Variants in SHB observed in about 807,000 individuals in gnomAD.
The protein encoded by SHB is SH2 domain-containing adapter protein B.
Under a neutral mutation model 52.3 loss-of-function variants are expected in SHB, and 20 were observed. That is an observed-to-expected ratio of 0.38 (90% CI 0.27 to 0.56). The LOEUF (loss-of-function observed/expected upper bound fraction) is 0.56, where lower values mean the gene tolerates loss of function less well. Among genes scored for constraint, SHB ranks in the 20% least tolerant of loss-of-function variants. The pLI is 0.71. For synonymous variants in SHB, 397 were observed against 316.5 expected (o/e 1.25, Z -2.70); for missense variants, 825 against 723.3 (o/e 1.14, Z -1.61).
chr9:38,024,650 C>T (rs1821319766), intron 1 of SHB, among the ~76,000 whole-genome samples: 1 of 152,184 alleles, frequency 6.6e-6, no homozygotes, highest in Non-Finnish European at 1.5e-5. Context: ...CCTCTGTTTA[C>T]CCCAGAACCT....
intron 1 of SHB, 46 bp from the exon 2 acceptor site, chr9:38,016,177 T>C: frequency 6.2e-7 from 1 of 1,608,154 alleles, no homozygotes; most frequent in Non-Finnish European, 8.5e-7. Context: ...TTGGCTTTTT[T>C]GTTTCACATC....
At chr9:37,984,500 A>C (rs1174641092) in intron 2 of SHB, among the ~76,000 whole-genome samples, 3 of 152,204 alleles carry the variant, frequency 2.0e-5, no homozygotes, top group African/African-American at 7.2e-5. Flanking sequence ...GGAAGGGAAG[A>C]AAGTCACAGG....
chr9:37,998,883 T>C (rs1409264197), intron 2 of SHB, among the ~76,000 whole-genome samples: 7 of 152,218 alleles, frequency 4.6e-5, no homozygotes, highest in Non-Finnish European at 8.8e-5. Context: ...CCATTTTTCA[T>C]CCAGTTTCAA....
At chr9:38,040,678 TG>T (rs561060642) in intron 1 of SHB, among the ~76,000 whole-genome samples, 38 of 151,176 alleles carry the variant, frequency 2.5e-4, no homozygotes, top group African/African-American at 9.0e-4. Context: ...CACACTACGG[TG>T]GGGGGGCTGC....
chr9:37,938,380 G>A (rs1221717423), intron 5 of SHB, among the ~76,000 whole-genome samples: 3 of 152,190 alleles, frequency 2.0e-5, no homozygotes, highest in East Asian at 1.9e-4. Flanking sequence ...GGCCTTCCCT[G>A]CAGCACCCTC....
At chr9:37,950,447 G>A (rs1187301981) in intron 4 of SHB, among the ~76,000 whole-genome samples, 1 of 152,172 alleles carries the variant, frequency 6.6e-6, no homozygotes, top group Admixed American at 6.5e-5. Context: ...TTTCATGACT[G>A]GAAGAGCTGA....
intron 2 of SHB, 122 bp from the exon 3 acceptor site, chr9:37,974,959 A>C: frequency 1.2e-6 from 1 of 835,456 alleles, no homozygotes; most frequent in Non-Finnish European, 2.0e-6. Flanking sequence ...ACAGAGAGAC[A>C]GACCCCTGTC....
At chr9:37,947,396 C>T (rs1832504864) in intron 5 of SHB, among the ~76,000 whole-genome samples, 1 of 152,212 alleles carries the variant, frequency 6.6e-6, no homozygotes, top group South Asian at 2.1e-4. Flanking sequence ...TCTTGCAGAG[C>T]TGGAATCTGT....
intron 2 of SHB, 113 bp from the exon 3 acceptor site, chr9:37,974,950 CAGAG>C (rs1355067079): frequency 2.3e-6 from 2 of 867,924 alleles, no homozygotes; most frequent in African/African-American, 3.4e-5. Flanking sequence ...GTGAGAACGA[CAGAG>C]AGACAGACCC....
At chr9:38,035,447 G>A (rs555440974) in intron 1 of SHB, among the ~76,000 whole-genome samples, 8 of 152,126 alleles carry the variant, frequency 5.3e-5, no homozygotes, top group South Asian at 2.1e-4. Context: ...GGATAGGGGA[G>A]CCAGTGTTGA....
chr9:37,996,502 C>A (rs1354495460), intron 2 of SHB, among the ~76,000 whole-genome samples: 1 of 152,194 alleles, frequency 6.6e-6, no homozygotes. Flanking sequence ...AGCAGCAGTT[C>A]TTTAAAAAAA....
intron 5 of SHB, among the ~76,000 whole-genome samples, chr9:37,941,085 G>A (rs567223849): frequency 6.6e-6 from 1 of 152,306 alleles, no homozygotes; most frequent in Admixed American, 6.5e-5. Flanking sequence ...CCAGTTCTGT[G>A]AGATTCTCTA....
intron 1 of SHB, among the ~76,000 whole-genome samples, chr9:38,043,333 A>C (rs1821605617): frequency 6.6e-6 from 1 of 152,196 alleles, no homozygotes; most frequent in South Asian, 2.1e-4. Flanking sequence ...TGAACCAAAA[A>C]CAAAGACAAA....
At position 37,918,240 on chromosome 9, in the gene SHB, C is replaced by A. The variant is rs147366863; in HGVS notation, c.*1581G>T. Among the ~76,000 whole-genome samples, 2 of 152,352 alleles carry A rather than the reference C, an allele frequency of 1.3e-5. No individual in the cohort carries two copies. The highest frequency in any genetic ancestry group is 2.9e-5 in the Non-Finnish European group (2 of 68,028). On this transcript the variant is annotated 3_prime_UTR_variant, in exon 6 of 6. Transcript: ENST00000377707. ...CCCTTGTATCTCATTCAGGAGAGGG[C>A]AGCCACATCTTCATGCTACTGGGTG...
intron 1 of SHB, among the ~76,000 whole-genome samples, chr9:38,041,661 C>T (rs555757635): frequency 6.6e-6 from 1 of 152,174 alleles, no homozygotes; most frequent in African/African-American, 2.4e-5. Flanking sequence ...AGCAACTCAA[C>T]ATTATTCCCA....
At chr9:37,964,472 A>T (rs1346765352) in intron 3 of SHB, among the ~76,000 whole-genome samples, 3 of 152,236 alleles carry the variant, frequency 2.0e-5, no homozygotes, top group Non-Finnish European at 4.4e-5. Flanking sequence ...GCTTGACTAC[A>T]GGAAATCTAA....
Position 37,919,907 on chromosome 9 carries a change from T to C in SHB, c.1444A>G (p.Ile482Val). The change falls in exon 6 of 6, where the codon ATC becomes GTC. Residue 482 changes from isoleucine to valine, a missense_variant. Coordinates refer to ENST00000377707, the MANE Select transcript of SHB (RefSeq NM_003028.3). ...SPPFDSVPEVIHYYTTRKLPI... is the reference protein window; with the variant it reads ...SPPFDSVPEVVHYYTTRKLPI... Reference sequence around the variant, plus strand: ...AGCTTTCTGGTGGTGTAGTAGTGGATGACTTCCGGGACACTGTCGAACGGA... The same window carrying C: ...AGCTTTCTGGTGGTGTAGTAGTGGACGACTTCCGGGACACTGTCGAACGGA... 6.2e-7 allele frequency: 1 copy of C among 1,614,090 alleles called. No homozygotes were observed. Among genetic ancestry groups the C allele is most frequent in the Non-Finnish European group, 8.5e-7 (1 of 1,179,930 alleles).
At chr9:37,948,353 C>T (rs532034096) in intron 5 of SHB, among the ~76,000 whole-genome samples, 5 of 152,312 alleles carry the variant, frequency 3.3e-5, no homozygotes, top group Non-Finnish European at 5.9e-5. Context: ...CTAGGAACTT[C>T]GTACCACCCC....
At chr9:37,978,784 TAG>T (rs1039669595) in intron 2 of SHB, among the ~76,000 whole-genome samples, 3 of 152,174 alleles carry the variant, frequency 2.0e-5, no homozygotes, top group African/African-American at 7.2e-5. Flanking sequence ...AGCTACTGTG[TAG>T]AGGAGAAGGG....
Sources: gnomAD v4.1 joint callset for allele counts (sites outside exome capture counted in the v4.1 genomes callset) on GRCh38, gnomAD v4.1.1 for gene constraint, MANE v1.5 for transcripts, NCBI Gene and HGNC (gene_info 2026-07-23, HGNC 2026-07-21) for gene names.